ZMAT4: variants seen among roughly 807,000 people sequenced by gnomAD.
ZMAT4 encodes the protein zinc finger matrin-type 4.
ZMAT4 carries 17 observed loss-of-function variants against 28.7 expected under a neutral mutation model. The observed-to-expected ratio is 0.59, with a 90% CI of 0.41 to 0.89. The LOEUF is 0.89. Among genes scored for constraint, ZMAT4 ranks in the 40% least tolerant of loss-of-function variants. ZMAT4 has a pLI of 0.00. For synonymous variants in ZMAT4, 117 were observed against 109.2 expected (o/e 1.07, Z -0.44); for missense variants, 240 against 283.8 (o/e 0.85, Z 1.11).
chr8:40,710,713 C>T (rs1475195507), intron 3 of ZMAT4, among the ~76,000 whole-genome samples: 1 of 152,026 alleles, frequency 6.6e-6, no homozygotes, highest in African/African-American at 2.4e-5. Context: ...ATGACTACTA[C>T]AGTCATGACA....
intron 5 of ZMAT4, among the ~76,000 whole-genome samples, chr8:40,584,223 C>A (rs1415472007): frequency 1.3e-5 from 2 of 152,152 alleles, no homozygotes; most frequent in African/African-American, 4.8e-5. Context: ...ACAGGACCTA[C>A]CAAGTAAACT....
intron 4 of ZMAT4, 65 bp downstream of exon 4, chr8:40,697,180 G>C: frequency 6.8e-7 from 1 of 1,468,434 alleles, no homozygotes; most frequent in South Asian, 1.5e-5. Context: ...GGAGGAGCAT[G>C]ATCTGCAAGA....
At chr8:40,748,689 C>T (rs969727018) in intron 3 of ZMAT4, among the ~76,000 whole-genome samples, 3 of 152,160 alleles carry the variant, frequency 2.0e-5, no homozygotes, top group African/African-American at 7.2e-5. Flanking sequence ...GTATTGAACA[C>T]AGTAATATTT....
intron 4 of ZMAT4, among the ~76,000 whole-genome samples, chr8:40,682,245 T>C (rs1297296080): frequency 6.6e-6 from 1 of 152,236 alleles, no homozygotes; most frequent in Non-Finnish European, 1.5e-5. Context: ...TAAAAAACAC[T>C]GCTTAGGGAC....
intron 2 of ZMAT4, among the ~76,000 whole-genome samples, chr8:40,772,389 G>T (rs1004630566): frequency 6.6e-6 from 1 of 152,314 alleles, no homozygotes; most frequent in Non-Finnish European, 1.5e-5. Flanking sequence ...TATTTCAGAT[G>T]TATTGCTGTG....
intron 5 of ZMAT4, among the ~76,000 whole-genome samples, chr8:40,650,850 G>GA (rs1383054434): frequency 4.6e-5 from 7 of 151,976 alleles, no homozygotes; most frequent in Admixed American, 1.3e-4. Context: ...AATAGATGCA[G>GA]AAAAAACCTT....
intron 6 of ZMAT4, among the ~76,000 whole-genome samples, chr8:40,539,680 A>G (rs1013217745): frequency 1.3e-5 from 2 of 152,244 alleles, no homozygotes; most frequent in Non-Finnish European, 2.9e-5. Context: ...AGTAACCACT[A>G]AACATTTAGA....
chr8:40,658,261 C>A (rs2118844558), intron 5 of ZMAT4, among the ~76,000 whole-genome samples: 1 of 152,228 alleles, frequency 6.6e-6, no homozygotes, highest in Middle Eastern at 3.4e-3. Flanking sequence ...ATTGCTTGTT[C>A]TCTTGAGCAT....
chr8:40,812,233 A>T (rs73617465), intron 2 of ZMAT4, among the ~76,000 whole-genome samples: 2 of 151,604 alleles, frequency 1.3e-5, no homozygotes, highest in East Asian at 3.9e-4. Context: ...GTGACTTTGA[A>T]GTGGAGAAAC....
At chr8:40,874,998 C>A (rs1586204455) in intron 1 of ZMAT4, among the ~76,000 whole-genome samples, 1 of 152,198 alleles carries the variant, frequency 6.6e-6, no homozygotes, top group Admixed American at 6.5e-5. Flanking sequence ...AAAGCCCCCC[C>A]AAAATGCACA....
At chr8:40,759,936 T>G (rs1017532662) in intron 3 of ZMAT4, among the ~76,000 whole-genome samples, 1 of 152,144 alleles carries the variant, frequency 6.6e-6, no homozygotes, top group Non-Finnish European at 1.5e-5. Context: ...CTTCAGCTCA[T>G]AAATAATTAA....
chr8:40,729,584 T>TCTTC (rs1811446658), intron 3 of ZMAT4, among the ~76,000 whole-genome samples: 1 of 136,080 alleles, frequency 7.3e-6, no homozygotes. Flanking sequence ...TTTGTATACT[T>TCTTC]CTTTCTTTCT....
chr8:40,809,111 G>T (rs1815213480), intron 2 of ZMAT4, among the ~76,000 whole-genome samples: 1 of 152,148 alleles, frequency 6.6e-6, no homozygotes, highest in South Asian at 2.1e-4. Flanking sequence ...TACATACACA[G>T]CATGGAAAGC....
intron 1 of ZMAT4, among the ~76,000 whole-genome samples, chr8:40,892,380 A>G (rs1484543064): frequency 1.3e-5 from 2 of 150,962 alleles, no homozygotes; most frequent in Non-Finnish European, 3.0e-5. Flanking sequence ...CACACTCAGG[A>G]GCCCCCCCAG....
At chr8:40,708,141 T>C (rs763940476) in intron 3 of ZMAT4, among the ~76,000 whole-genome samples, 3 of 152,208 alleles carry the variant, frequency 2.0e-5, no homozygotes, top group Non-Finnish European at 4.4e-5. Flanking sequence ...ATCTGCATGC[T>C]ATCAGCATCT....
At chr8:40,857,954 G>A (rs533862071) in intron 1 of ZMAT4, among the ~76,000 whole-genome samples, 2 of 152,248 alleles carry the variant, frequency 1.3e-5, no homozygotes, top group South Asian at 4.1e-4. Flanking sequence ...GAAGTTGAAG[G>A]GCAGACGAGA....
chr8:40,775,994 C>T (rs542187448), intron 2 of ZMAT4, among the ~76,000 whole-genome samples: 6 of 152,222 alleles, frequency 3.9e-5, no homozygotes, highest in South Asian at 2.1e-4. Context: ...AGAGAGCCAT[C>T]GCCAGAAACC....
At chr8:40,639,437 T>C (rs1176241523) in intron 5 of ZMAT4, among the ~76,000 whole-genome samples, 3 of 151,640 alleles carry the variant, frequency 2.0e-5, no homozygotes, top group African/African-American at 4.8e-5. Flanking sequence ...TAGTGGAGAG[T>C]CTTGAGCTTT....
At chr8:40,831,486 G>A (rs571970462) in intron 1 of ZMAT4, among the ~76,000 whole-genome samples, 4 of 152,256 alleles carry the variant, frequency 2.6e-5, no homozygotes, top group East Asian at 1.9e-4. Flanking sequence ...GTCCCCAGGC[G>A]GCCGCAGCCA....
Sources: gnomAD v4.1 joint callset for allele counts (sites outside exome capture counted in the v4.1 genomes callset) on GRCh38, gnomAD v4.1.1 for gene constraint, MANE v1.5 for transcripts, NCBI Gene and HGNC (gene_info 2026-07-23, HGNC 2026-07-21) for gene names.